The following TNFRSF10B variants were observed in gnomAD, a reference collection of about 807,000 sequenced individuals.
TNFRSF10B encodes tumor necrosis factor receptor superfamily member 10B.
TNFRSF10B carries 35 observed loss-of-function variants against 41.4 expected under a neutral mutation model. That is an observed-to-expected ratio of 0.85 (90% CI 0.65 to 1.12). TNFRSF10B has a LOEUF of 1.12. Among genes scored for constraint, TNFRSF10B ranks in the 50% most tolerant of loss-of-function variants. TNFRSF10B has a pLI of 0.00. For missense variants in TNFRSF10B, 584 were observed against 552.7 expected, an observed-to-expected ratio of 1.06 and a Z score of -0.57; for synonymous variants, 230 against 215.5, an observed-to-expected ratio of 1.07 and a Z score of -0.59.
intron 1 of TNFRSF10B, among the ~76,000 whole-genome samples, chr8:23,059,627 C>G (rs1812768034): frequency 6.6e-6 from 1 of 152,228 alleles, no homozygotes; most frequent in Admixed American, 6.5e-5. Flanking sequence ...CTGCCTCATC[C>G]TCCCAAGTAG....
At position 23,062,885 on chromosome 8, in the gene TNFRSF10B, A is replaced by G. The variant is rs146575378; in HGVS notation, c.144+5866T>C. Among the ~76,000 whole-genome samples the G allele has an allele frequency of 7.5e-3, 1,147 of 152,348 alleles. 18 individuals carry two copies. The highest frequency in any genetic ancestry group is 0.026 in the African/African-American group (1,082 of 41,576). On this transcript the variant is annotated intron_variant, in intron 1 of 8. Transcript: ENST00000276431. Reference sequence around the variant, plus strand: ...AAATAATACAGATTGATTCATCTCCACTACTCATTCTTTCTGCTATAGTTG... The same window carrying G: ...AAATAATACAGATTGATTCATCTCCGCTACTCATTCTTTCTGCTATAGTTG...
chr8:23,063,957 C>T (rs113225286), intron 1 of TNFRSF10B, among the ~76,000 whole-genome samples: 3,991 of 152,322 alleles, frequency 0.026, 160 homozygotes, highest in African/African-American at 0.085. Context: ...GAGGACACAA[C>T]GTCTGGGTTA....
chr8:23,031,862 T>G (rs906945323), intron 2 of TNFRSF10B, among the ~76,000 whole-genome samples: 2 of 151,968 alleles, frequency 1.3e-5, no homozygotes, highest in African/African-American at 4.8e-5. Context: ...CAGTACGTCT[T>G]CAAATCCTGC....
At chr8:23,048,754 C>T (rs754056938) in intron 1 of TNFRSF10B, among the ~76,000 whole-genome samples, 7 of 152,128 alleles carry the variant, frequency 4.6e-5, no homozygotes, top group Non-Finnish European at 8.8e-5. Context: ...TAACTTTGTA[C>T]CCTATAAATC....
chr8:23,061,234 A>G (rs569040723), intron 1 of TNFRSF10B, among the ~76,000 whole-genome samples: 1 of 152,340 alleles, frequency 6.6e-6, no homozygotes, highest in East Asian at 1.9e-4. Flanking sequence ...TTGCCTTTAA[A>G]AAGAATATAA....
In TNFRSF10B at chr8:23,021,535, C is replaced by T. The variant is rs1168513483; in HGVS notation, c.*1136G>A. ...GGGCTCAAGTTCACTTGGGATATGA[C>T]ATAGACCCTATTGTTATGTGTGATC... On this transcript the variant is annotated 3_prime_UTR_variant, in exon 9 of 9. Coordinates refer to ENST00000276431, the MANE Select transcript of TNFRSF10B (RefSeq NM_003842.5). The T allele has an allele frequency of 1.1e-5, 5 of 454,046 alleles. No individual in the cohort carries two copies. Among genetic ancestry groups the T allele is most frequent in the Non-Finnish European group, 2.2e-5 (5 of 226,806 alleles). 28.1% of individuals were successfully genotyped at this position (454,046 alleles called of 1,614,324 possible).
chr8:23,023,192 C>CA (rs35410289), intron 8 of TNFRSF10B, among the ~76,000 whole-genome samples: 1 of 151,912 alleles, frequency 6.6e-6, no homozygotes, highest in South Asian at 2.1e-4. Context: ...TGCGGGGAGT[C>CA]AAAGTCGTCA....
chr8:23,065,243 G>A (rs1812949667), intron 1 of TNFRSF10B, among the ~76,000 whole-genome samples: 2 of 152,194 alleles, frequency 1.3e-5, no homozygotes, highest in Non-Finnish European at 2.9e-5. Context: ...CCGCCGCCAA[G>A]CACATGCAGT....
In TNFRSF10B at chr8:23,027,234, A is replaced by G; in HGVS notation, c.835T>C (p.Leu279=). 6.2e-7 allele frequency: 1 copy of G among 1,614,162 alleles called. No individual in the cohort carries two copies. The highest frequency in any genetic ancestry group is 8.5e-7 in the Non-Finnish European group (1 of 1,180,030). Reference sequence around the variant, plus strand: ...TGCTCAGGGACCTGGGTGGGCTGCAAGATACTCACGATCTCATTGAGGACA... The same window carrying G: ...TGCTCAGGGACCTGGGTGGGCTGCAGGATACTCACGATCTCATTGAGGACA... ...DNVLNEIVSI[L]QPTQVPEQEM... The change falls in exon 7 of 9, where the codon TTG becomes CTG. Residue 279 remains leucine (L), a synonymous_variant. Coordinates refer to ENST00000276431, the MANE Select transcript of TNFRSF10B (RefSeq NM_003842.5).
At chr8:23,063,296 C>G (rs562514070) in intron 1 of TNFRSF10B, among the ~76,000 whole-genome samples, 6 of 149,266 alleles carry the variant, frequency 4.0e-5, no homozygotes, top group Non-Finnish European at 8.9e-5. Context: ...TGCAGTGAGC[C>G]GAGATTGCGC....
chr8:23,066,531 AT>A (rs1469632540), intron 1 of TNFRSF10B, among the ~76,000 whole-genome samples: 1 of 152,200 alleles, frequency 6.6e-6, no homozygotes, highest in African/African-American at 2.4e-5. Context: ...AAAATCTAAC[AT>A]TCTAACGTAA....
At chr8:23,045,186 T>C (rs1355892469) in intron 1 of TNFRSF10B, among the ~76,000 whole-genome samples, 1 of 151,000 alleles carries the variant, frequency 6.6e-6, no homozygotes, top group Non-Finnish European at 1.5e-5. Flanking sequence ...GCTGAGATTG[T>C]CACACTGCAC....
rs1370217420 is a variant in TNFRSF10B, at chr8:23,021,364, T to C, written c.*1307A>G. On this transcript the variant is annotated 3_prime_UTR_variant, in exon 9 of 9. Coordinates refer to ENST00000276431, the MANE Select transcript of TNFRSF10B (RefSeq NM_003842.5). ...TAAAAGGCAGCTCATGGGCTCAGGG[T>C]GACAGATAACCAGAAGTGAGCCGGG... The C allele has an allele frequency of 2.2e-6, 1 of 453,910 alleles. No individual in the cohort carries two copies. 28.1% of individuals were successfully genotyped at this position (453,910 alleles called of 1,614,324 possible).
At chr8:23,055,521 T>TTAAAAAAAAAAAAAAAAAA (rs1554510887) in intron 1 of TNFRSF10B, among the ~76,000 whole-genome samples, 1 of 120,548 alleles carries the variant, frequency 8.3e-6, no homozygotes, top group African/African-American at 3.1e-5. Flanking sequence ...ATTAAATGCT[T>TTAAAAAAAAAAAAAAAAAA]AAAAAAAAAA....
At chr8:23,065,254 G>A (rs1812949883) in intron 1 of TNFRSF10B, among the ~76,000 whole-genome samples, 1 of 152,328 alleles carries the variant, frequency 6.6e-6, no homozygotes, top group East Asian at 1.9e-4. Context: ...CACATGCAGT[G>A]AGACTAGCTG....
Position 23,021,764 on chromosome 8 carries a change from T to A in TNFRSF10B, c.*907A>T, listed in dbSNP as rs948080091. The A allele has an allele frequency of 4.4e-6, 2 of 453,988 alleles. No homozygotes were observed. Among genetic ancestry groups the A allele is most frequent in the Admixed American group, 2.3e-5 (1 of 42,554 alleles). 28.1% of individuals were successfully genotyped at this position (453,988 alleles called of 1,614,324 possible). A position where few individuals can be genotyped will look rare whatever the true frequency, so the allele number is the denominator to read the frequency against. On this transcript the variant is annotated 3_prime_UTR_variant, in exon 9 of 9. Transcript: ENST00000276431. ...TTCAAAAGACTGGCCCCTGTAGAAG[T>A]TGCCAATCATTGAAGCCAAAGTACA... is the stretch of plus-strand genomic sequence containing the variant.
At chr8:23,060,386 T>G (rs1235297881) in intron 1 of TNFRSF10B, among the ~76,000 whole-genome samples, 4 of 152,238 alleles carry the variant, frequency 2.6e-5, no homozygotes, top group Non-Finnish European at 4.4e-5. Context: ...CCCCCTTCAT[T>G]GAAAAGACGG....
chr8:23,068,918 T>G lies in TNFRSF10B; in HGVS notation c.-24A>C. 6.2e-7 allele frequency: 1 copy of G among 1,613,214 alleles called. No homozygotes were observed. The highest frequency in any genetic ancestry group is 1.3e-5 in the African/African-American group (1 of 75,038). On this transcript the variant is annotated 5_prime_UTR_variant, in exon 1 of 9. Transcript: ENST00000276431. Reference sequence around the variant, plus strand: ...ATGGCGGTAGGGAACGCTCTTATAGTCTCTCAGGCCCGTGGGTTTCAGCCC... The same window carrying G: ...ATGGCGGTAGGGAACGCTCTTATAGGCTCTCAGGCCCGTGGGTTTCAGCCC...
chr8:23,034,491 T>C (rs983471046), intron 2 of TNFRSF10B, among the ~76,000 whole-genome samples: 2 of 151,728 alleles, frequency 1.3e-5, no homozygotes, highest in African/African-American at 4.8e-5. Flanking sequence ...CATTGGGAGG[T>C]CAGGGCAGGA....
Sources: gnomAD v4.1 joint callset for allele counts (sites outside exome capture counted in the v4.1 genomes callset) on GRCh38, gnomAD v4.1.1 for gene constraint, MANE v1.5 for transcripts, NCBI Gene and HGNC (gene_info 2026-07-23, HGNC 2026-07-21) for gene names.